GRIK3: variants seen among roughly 807,000 people sequenced by gnomAD.
GRIK3 encodes glutamate receptor ionotropic, kainate 3.
In GRIK3, 29 loss-of-function variants were observed where a neutral mutation model predicts 102.5. The ratio of observed to expected loss-of-function variants is 0.28; its 90% CI spans 0.21 to 0.39. The LOEUF is 0.39. Ranked by LOEUF, GRIK3 falls within the 10% of genes least tolerant of loss-of-function variation. The pLI, the probability that GRIK3 is intolerant of heterozygous loss-of-function variation, is 1.00. For synonymous variants in GRIK3, 511 were observed against 504.9 expected (o/e 1.01, Z -0.16); for missense variants, 908 against 1,252.4 (o/e 0.73, Z 4.15).
chr1:36,975,515 C>T (rs532783918), intron 1 of GRIK3, among the ~76,000 whole-genome samples: 2 of 152,288 alleles, frequency 1.3e-5, no homozygotes, highest in South Asian at 2.1e-4. Context: ...AGTATGGTCT[C>T]GATCTCCGGA....
intron 2 of GRIK3, among the ~76,000 whole-genome samples, chr1:36,885,128 T>C (rs1273216345): frequency 6.6e-6 from 1 of 152,234 alleles, no homozygotes; most frequent in East Asian, 1.9e-4. Context: ...AAATTAATCA[T>C]GTTGATGTTG....
intron 1 of GRIK3, among the ~76,000 whole-genome samples, chr1:36,988,969 C>T (rs1384473331): frequency 2.6e-5 from 4 of 152,076 alleles, no homozygotes; most frequent in Non-Finnish European, 4.4e-5. Flanking sequence ...GGAGAGGGGG[C>T]GGCGGGGAAA....
intron 1 of GRIK3, among the ~76,000 whole-genome samples, chr1:36,992,547 T>C (rs1201773132): frequency 6.6e-6 from 1 of 152,102 alleles, no homozygotes; most frequent in East Asian, 1.9e-4. Context: ...GCTGAGGTGC[T>C]GTTAAAGGGG....
At chr1:36,877,300 A>T (rs1391449606) in intron 3 of GRIK3, among the ~76,000 whole-genome samples, 14 of 151,964 alleles carry the variant, frequency 9.2e-5, no homozygotes. Context: ...CTTCAACATT[A>T]CCCTGTTCAC....
intron 1 of GRIK3, among the ~76,000 whole-genome samples, chr1:36,969,674 T>G (rs191609804): frequency 3.9e-5 from 6 of 152,218 alleles, no homozygotes; most frequent in Non-Finnish European, 7.3e-5. Flanking sequence ...GGCTTCATTG[T>G]AGAGAGGACA....
intron 2 of GRIK3, among the ~76,000 whole-genome samples, chr1:36,885,406 G>C (rs1204796371): frequency 6.6e-6 from 1 of 152,098 alleles, no homozygotes; most frequent in Non-Finnish European, 1.5e-5. Context: ...TAGTGTTGGT[G>C]GTGCTGATAT....
In GRIK3 at chr1:36,880,622, C is replaced by T. The variant is rs1640961865; in HGVS notation, c.550+12G>A. The T allele has an allele frequency of 6.2e-7, 1 of 1,613,452 alleles. No individual in the cohort carries two copies. Among genetic ancestry groups the T allele is most frequent in the African/African-American group, 1.3e-5 (1 of 75,028 alleles). Reference sequence around the variant, plus strand: ...ACCGTTGCCCCCAGCCTAGCCAGGCCTGGCCACCCACCTGTACTGTCGTCA... The same window carrying T: ...ACCGTTGCCCCCAGCCTAGCCAGGCTTGGCCACCCACCTGTACTGTCGTCA... On this transcript the variant is annotated intron_variant, in intron 3 of 15. Coordinates refer to ENST00000373091, the MANE Select transcript of GRIK3 (RefSeq NM_000831.4). This position sits in a 1 kb window ranked among gnomAD's most constrained non-coding sequence, Gnocchi z 5.4.
Position 36,983,796 on chromosome 1 carries a change from G to A in GRIK3, c.115+50198C>T, listed in dbSNP as rs1291652160. ...ATTTTCTTTGATGTGAATTATCACA[G>A]TTAATAATATATTTATGAAATTTTA... On this transcript the variant is annotated intron_variant, in intron 1 of 15. Transcript: ENST00000373091. Among the ~76,000 whole-genome samples, 4 of 152,250 alleles carry A rather than the reference G, an allele frequency of 2.6e-5. No homozygotes were observed. In the South Asian group the frequency reaches 8.3e-4, roughly 32 times the overall value.
chr1:37,016,756 T>C (rs1295872972), intron 1 of GRIK3, among the ~76,000 whole-genome samples: 1 of 152,162 alleles, frequency 6.6e-6, no homozygotes, highest in Admixed American at 6.5e-5. Flanking sequence ...CAAAATTTCA[T>C]ATGAAACGTC....
chr1:36,850,106 A>C lies in GRIK3; in HGVS notation c.1326+205T>G, dbSNP rs2124226720. 2 of 563,326 alleles carry C rather than the reference A, an allele frequency of 3.6e-6. No homozygotes were observed. Among genetic ancestry groups the C allele is most frequent in the Middle Eastern group, 9.5e-4 (2 of 2,108 alleles). The allele number at this position is 563,326 out of a possible 1,614,324, so 34.9% of individuals were successfully genotyped here. On this transcript the variant is annotated intron_variant, in intron 9 of 15. Transcript: ENST00000373091. The surrounding 1 kb of genome is among the most constrained non-coding windows in gnomAD (Gnocchi z 4.0). ...GGGGAGTGAGTGGGAGTGAGACACA[A>C]AAACGCAGCGGCTTCCGCCCGTGGC...
rs1270947047 is a variant in GRIK3 at position 36,796,806 on chromosome 1, C to T, written c.*5045G>A. 2 of 152,188 alleles carry T rather than the reference C, an allele frequency of 1.3e-5. No individual in the cohort carries two copies. The highest frequency in any genetic ancestry group is 2.4e-5 in the African/African-American group (1 of 41,444). The allele number at this position is 152,188 out of a possible 1,614,324, so 9.4% of individuals were successfully genotyped here. On this transcript the variant is annotated 3_prime_UTR_variant, in exon 16 of 16. Coordinates refer to ENST00000373091, the MANE Select transcript of GRIK3 (RefSeq NM_000831.4). ...AGGGTATCCTAGATGGAGCCTGAAACCTACCTGTGATTCTGCAGGCAGGTG... is the reference window on the plus strand; with the variant it reads ...AGGGTATCCTAGATGGAGCCTGAAATCTACCTGTGATTCTGCAGGCAGGTG...
At chr1:36,933,839 T>A (rs1373213201) in intron 1 of GRIK3, among the ~76,000 whole-genome samples, 1 of 152,192 alleles carries the variant, frequency 6.6e-6, no homozygotes. Context: ...CCTGGGTGTG[T>A]GGCAGGAACC....
intron 1 of GRIK3, among the ~76,000 whole-genome samples, chr1:36,894,783 G>A (rs1376091411): frequency 5.3e-5 from 8 of 152,192 alleles, no homozygotes; most frequent in Non-Finnish European, 4.4e-5. Flanking sequence ...GCTTTTGTGA[G>A]TTTTACTCCT....
intron 1 of GRIK3, among the ~76,000 whole-genome samples, chr1:36,909,898 G>C (rs1277967440): frequency 6.6e-6 from 1 of 152,034 alleles, no homozygotes; most frequent in Non-Finnish European, 1.5e-5. Context: ...TTTTTAAATT[G>C]CTTTTTTTAC....
At chr1:36,985,070 A>G (rs996889677) in intron 1 of GRIK3, among the ~76,000 whole-genome samples, 1 of 151,926 alleles carries the variant, frequency 6.6e-6, no homozygotes, top group African/African-American at 2.4e-5. Flanking sequence ...GCACCCTAAA[A>G]CGGGATCATC....
chr1:36,870,946 A>C (rs1483796110), intron 4 of GRIK3, among the ~76,000 whole-genome samples: 1 of 151,932 alleles, frequency 6.6e-6, no homozygotes, highest in Non-Finnish European at 1.5e-5. Flanking sequence ...GGGGGAGAAG[A>C]GGCACTGGGC....
intron 5 of GRIK3, among the ~76,000 whole-genome samples, chr1:36,861,990 TCA>T (rs1374507797): frequency 6.6e-6 from 1 of 152,146 alleles, no homozygotes; most frequent in Non-Finnish European, 1.5e-5. Context: ...GGCTTCATCT[TCA>T]CAGCCCCCTG....
At chr1:36,893,724 T>C (rs1641143427) in intron 1 of GRIK3, among the ~76,000 whole-genome samples, 1 of 152,238 alleles carries the variant, frequency 6.6e-6, no homozygotes, top group Non-Finnish European at 1.5e-5. Flanking sequence ...AGTAGGCATA[T>C]GGATCATGTA....
chr1:36,986,021 A>G (rs188880965), intron 1 of GRIK3, among the ~76,000 whole-genome samples: 248 of 152,038 alleles, frequency 1.6e-3, no homozygotes, highest in African/African-American at 5.2e-3. Context: ...TAGAGACGAA[A>G]TCTCCCTGGA....
Sources: allele counts gnomAD v4.1 joint callset (sites outside exome capture counted in the v4.1 genomes callset), GRCh38; gene constraint gnomAD v4.1.1; non-coding constraint Gnocchi (gnomAD v3.1); transcripts MANE v1.5; gene names NCBI Gene and HGNC (gene_info 2026-07-23, HGNC 2026-07-21).